Variants in BTBD9 observed in about 807,000 individuals in gnomAD.
BTBD9 encodes BTB domain containing 9, also known as BTB/POZ domain-containing protein 9.
Under a neutral mutation model 64.3 loss-of-function variants are expected in BTBD9, and 49 were observed. The ratio of observed to expected loss-of-function variants is 0.76; its 90% CI spans 0.61 to 0.97. BTBD9 has a LOEUF of 0.97. Among genes scored for constraint, BTBD9 ranks in the 50% least tolerant of loss-of-function variants. The probability of loss-of-function intolerance (pLI) is 0.00; values close to 1 mark genes in which losing one functional copy is unlikely to be tolerated. For missense variants in BTBD9, 598 were observed against 762.1 expected (o/e 0.78, Z 2.53); for synonymous variants, 260 against 274.7 (o/e 0.95, Z 0.53).
intron 8 of BTBD9, among the ~76,000 whole-genome samples, chr6:38,268,759 G>A (rs1765102287): frequency 6.6e-6 from 1 of 152,194 alleles, no homozygotes; most frequent in African/African-American, 2.4e-5. Context: ...GCTCTTGCTA[G>A]AAATGATTTT....
intron 6 of BTBD9, among the ~76,000 whole-genome samples, chr6:38,554,682 A>G (rs1315557822): frequency 6.6e-6 from 1 of 152,200 alleles, no homozygotes; most frequent in Admixed American, 6.5e-5. Context: ...CAAAATCCCC[A>G]AAACACTGAA....
At chr6:38,460,640 T>C (rs1770039125) in intron 6 of BTBD9, among the ~76,000 whole-genome samples, 1 of 152,212 alleles carries the variant, frequency 6.6e-6, no homozygotes, top group Non-Finnish European at 1.5e-5. Flanking sequence ...TTTTGTTTTT[T>C]TGAGACGTAG....
intron 9 of BTBD9, among the ~76,000 whole-genome samples, chr6:38,203,502 G>A (rs1189283958): frequency 6.6e-6 from 1 of 152,144 alleles, no homozygotes; most frequent in Admixed American, 6.5e-5. Context: ...CAACCTAAGT[G>A]TCCATCAATG....
intron 1 of BTBD9, among the ~76,000 whole-genome samples, chr6:38,617,938 G>T (rs1777846691): frequency 6.6e-6 from 1 of 152,064 alleles, no homozygotes; most frequent in Non-Finnish European, 1.5e-5. Flanking sequence ...AAAGGCAAGG[G>T]TGCAGGTTTT....
At chr6:38,639,577 C>T (rs1434765874) in intron 1 of BTBD9, among the ~76,000 whole-genome samples, 1 of 152,180 alleles carries the variant, frequency 6.6e-6, no homozygotes, top group Non-Finnish European at 1.5e-5. Context: ...ACGTCTACTT[C>T]CCACTACACC....
At chr6:38,592,520 TG>T in intron 4 of BTBD9, 55 bp downstream of exon 4, 1 of 1,589,892 alleles carries the variant, frequency 6.3e-7, no homozygotes, top group South Asian at 1.1e-5. Context: ...GCGGTTTTAA[TG>T]GCATGAGAGG....
intron 9 of BTBD9, among the ~76,000 whole-genome samples, chr6:38,206,944 C>T (rs1282137850): frequency 6.6e-6 from 1 of 152,182 alleles, no homozygotes; most frequent in Non-Finnish European, 1.5e-5. Flanking sequence ...CACAGGCACT[C>T]TGACATATTG....
intron 6 of BTBD9, among the ~76,000 whole-genome samples, chr6:38,550,791 G>A (rs1202508586): frequency 2.0e-5 from 3 of 152,074 alleles, no homozygotes; most frequent in Non-Finnish European, 2.9e-5. Flanking sequence ...TACAACCTAT[G>A]GTCTACCTAG....
At chr6:38,564,884 T>C (rs1389972360) in intron 6 of BTBD9, among the ~76,000 whole-genome samples, 1 of 151,836 alleles carries the variant, frequency 6.6e-6, no homozygotes, top group East Asian at 1.9e-4. Context: ...AGAGCAAGAC[T>C]CTGTCTCAAA....
At chr6:38,317,934 C>CTTTTTT (rs34109121) in intron 7 of BTBD9, among the ~76,000 whole-genome samples, 2 of 128,854 alleles carry the variant, frequency 1.6e-5, no homozygotes, top group African/African-American at 3.0e-5. Flanking sequence ...CTCAAAATAG[C>CTTTTTT]TTTTTTTTTT....
chr6:38,460,045 C>T (rs1770002671), intron 6 of BTBD9, among the ~76,000 whole-genome samples: 1 of 152,208 alleles, frequency 6.6e-6, no homozygotes, highest in South Asian at 2.1e-4. Flanking sequence ...CCTAGCAAAA[C>T]AGTCTATTTA....
chr6:38,554,060 T>C (rs1186605247), intron 6 of BTBD9, among the ~76,000 whole-genome samples: 1 of 152,162 alleles, frequency 6.6e-6, no homozygotes, highest in Admixed American at 6.5e-5. Flanking sequence ...CCATATGGTA[T>C]TGAATATTTT....
intron 6 of BTBD9, among the ~76,000 whole-genome samples, chr6:38,354,338 T>TG (rs1764635270): frequency 6.6e-6 from 1 of 152,180 alleles, no homozygotes; most frequent in Admixed American, 6.5e-5. Flanking sequence ...TTTCTTTTCA[T>TG]GGAAAACCCA....
intron 8 of BTBD9, among the ~76,000 whole-genome samples, chr6:38,267,927 G>A (rs1020464283): frequency 2.0e-5 from 3 of 152,116 alleles, no homozygotes; most frequent in South Asian, 2.1e-4. Flanking sequence ...GTGACAGAGC[G>A]AGACTCCGTC....
At chr6:38,490,389 C>T (rs1379949224) in intron 6 of BTBD9, among the ~76,000 whole-genome samples, 2 of 152,122 alleles carry the variant, frequency 1.3e-5, no homozygotes, top group Non-Finnish European at 2.9e-5. Flanking sequence ...GGCGCAATCT[C>T]GGCTCACTGC....
chr6:38,348,409 G>A (rs1237478045), intron 6 of BTBD9, among the ~76,000 whole-genome samples: 1 of 152,184 alleles, frequency 6.6e-6, no homozygotes, highest in South Asian at 2.1e-4. Flanking sequence ...GGCAGCTAGT[G>A]ACTTCATCAG....
chr6:38,433,727 T>C (rs1430345117), intron 6 of BTBD9, among the ~76,000 whole-genome samples: 1 of 152,056 alleles, frequency 6.6e-6, no homozygotes, highest in Non-Finnish European at 1.5e-5. Context: ...CATGGACACA[T>C]GTGACATCTA....
chr6:38,529,673 A>G (rs1773693904), intron 6 of BTBD9, among the ~76,000 whole-genome samples: 1 of 152,234 alleles, frequency 6.6e-6, no homozygotes, highest in Non-Finnish European at 1.5e-5. Flanking sequence ...GACATTTATC[A>G]GTTCCCAAAT....
chr6:38,379,859 C>T (rs936812432), intron 6 of BTBD9, among the ~76,000 whole-genome samples: 3 of 152,022 alleles, frequency 2.0e-5, no homozygotes, highest in African/African-American at 2.4e-5. Context: ...GCACAGGAGA[C>T]GGCAGTGTAA....
Sources: gnomAD v4.1 joint callset for allele counts (sites outside exome capture counted in the v4.1 genomes callset) on GRCh38, gnomAD v4.1.1 for gene constraint, MANE v1.5 for transcripts, NCBI Gene and HGNC (gene_info 2026-07-23, HGNC 2026-07-21) for gene names.